MACF1: variants seen among roughly 807,000 people sequenced by gnomAD.
MACF1 encodes microtubule actin crosslinking factor 1.
A neutral mutation model predicts 854.8 loss-of-function variants in MACF1; 193 were observed. That is an observed-to-expected ratio of 0.23 (90% CI 0.20 to 0.25). The LOEUF (loss-of-function observed/expected upper bound fraction) is 0.25. Among genes scored for constraint, MACF1 ranks in the 10% least tolerant of loss-of-function variants. The pLI is 1.00. For synonymous variants in MACF1, 3,185 were observed against 3,226.7 expected, an observed-to-expected ratio of 0.99 and a Z score of 0.44; for missense variants, 7,722 against 8,929.1, an observed-to-expected ratio of 0.86 and a Z score of 5.45.
At position 39,316,449 on chromosome 1, in the gene MACF1, G is replaced by A; in HGVS notation, c.3508G>A (p.Gly1170Ser). The A allele has an allele frequency of 6.2e-7, 1 of 1,614,022 alleles. No individual in the cohort carries two copies. The highest frequency in any genetic ancestry group is 8.5e-7 in the Non-Finnish European group (1 of 1,179,922). Reference protein sequence around the residue: ...SIQDAELLVKGYEIKLSQEEV... With the variant: ...SIQDAELLVKSYEIKLSQEEV... ...ACAGGATGCTGAACTCTTGGTCAAA[G>A]GTTATGAGATTAAGCTGAGTCAAGA... The change falls in exon 28 of 101, where the codon GGT (glycine) becomes AGT (serine). Residue 1170 changes from glycine (G) to serine (S), a missense_variant. Transcript: ENST00000564288.
chr1:39,474,810 A>T (rs1644845329), intron 97 of MACF1, among the ~76,000 whole-genome samples: 1 of 152,226 alleles, frequency 6.6e-6, no homozygotes, highest in Non-Finnish European at 1.5e-5. Context: ...AAGGTTTTGA[A>T]AAAGGAAAAG....
intron 2 of MACF1, among the ~76,000 whole-genome samples, chr1:39,194,581 A>G (rs185767616): frequency 1.3e-5 from 2 of 151,338 alleles, no homozygotes; most frequent in East Asian, 2.0e-4. Flanking sequence ...ACCTTAGGTG[A>G]TCCACCCCGC....
chr1:39,099,145 C>G (rs962658166), intron 2 of MACF1, among the ~76,000 whole-genome samples: 2 of 152,200 alleles, frequency 1.3e-5, no homozygotes, highest in African/African-American at 4.8e-5. Flanking sequence ...CACACACACT[C>G]ACTACTAGCA....
At chr1:39,292,128 G>A (rs1403354881) in intron 16 of MACF1, 90 bp downstream of exon 16, 3 of 1,433,184 alleles carry the variant, frequency 2.1e-6, no homozygotes, top group East Asian at 2.4e-5. Context: ...ATTGAAGGAG[G>A]AGGGTGCTCT....
intron 2 of MACF1, among the ~76,000 whole-genome samples, chr1:39,233,539 A>G (rs1483771423): frequency 6.6e-6 from 1 of 152,040 alleles, no homozygotes; most frequent in Admixed American, 6.6e-5. Context: ...CTTTTCCTCC[A>G]TGGGCCAATT....
intron 6 of MACF1, among the ~76,000 whole-genome samples, chr1:39,276,978 G>GA (rs1431919717): frequency 2.6e-5 from 4 of 152,074 alleles, no homozygotes; most frequent in African/African-American, 4.8e-5. Flanking sequence ...AAAGAGGAAT[G>GA]AAAAATCTAA....
At position 39,334,504 on chromosome 1, in the gene MACF1, A is replaced by T. The variant is rs577414774; in HGVS notation, c.7916A>T (p.Asp2639Val). 11 of 1,614,170 alleles carry T rather than the reference A, an allele frequency of 6.8e-6. No individual in the cohort carries two copies. The African/African-American group carries it at 1.2e-4, about 18-fold the overall frequency. ...GAATTAGTCAAGAAATGTAAGATTG[A>T]TATTGAATCTGGACAGAGATATCTA... is the stretch of plus-strand genomic sequence containing the variant. Reference protein sequence around the residue: ...YSELVKKCKIDIESGQRYLEV... With the variant: ...YSELVKKCKIVIESGQRYLEV... Residue 2639 changes from aspartate (D) to valine (V), a missense_variant, in exon 37 of 101, where the codon GAT becomes GTT. Around this residue, in one of 15 missense-constraint regions of MACF1, gnomAD observed 1,531 missense variants for 1,601.6 expected, o/e 0.96. Coordinates refer to ENST00000564288, the MANE Select transcript of MACF1 (RefSeq NM_001394062.1).
intron 60 of MACF1, among the ~76,000 whole-genome samples, chr1:39,423,762 G>A (rs556897356): frequency 1.3e-5 from 2 of 151,406 alleles, no homozygotes; most frequent in South Asian, 2.1e-4. Flanking sequence ...CATTTTTTAC[G>A]GCACTTTTCT....
At chr1:39,386,397 A>G (rs1014341688) in intron 57 of MACF1, among the ~76,000 whole-genome samples, 1 of 151,588 alleles carries the variant, frequency 6.6e-6, no homozygotes, top group Admixed American at 6.6e-5. Context: ...AGTAGCTGGG[A>G]CTATAGACAC....
chr1:39,132,045 CCTT>C (rs1176289897), intron 2 of MACF1, among the ~76,000 whole-genome samples: 3 of 152,200 alleles, frequency 2.0e-5, no homozygotes, highest in Non-Finnish European at 2.9e-5. Flanking sequence ...GGCACTGTGA[CCTT>C]CTTTGTAGCA....
chr1:39,380,178 C>T (rs1463172904), intron 54 of MACF1, 66 bp from the exon 55 acceptor site: 1 of 1,540,566 alleles, frequency 6.5e-7, no homozygotes, highest in Non-Finnish European at 8.9e-7. Context: ...CCAATCATTT[C>T]TACCACACAC....
chr1:39,421,567 T>A (rs1643538311), intron 58 of MACF1, among the ~76,000 whole-genome samples: 1 of 152,196 alleles, frequency 6.6e-6, no homozygotes, highest in South Asian at 2.1e-4. Context: ...ACACTGTTAA[T>A]ATGTTTTGAC....
At chr1:39,106,889 T>C (rs1303239607) in intron 2 of MACF1, among the ~76,000 whole-genome samples, 2 of 145,002 alleles carry the variant, frequency 1.4e-5, no homozygotes, top group Non-Finnish European at 3.0e-5. Context: ...AAAAAAGACC[T>C]ACTAGGGTTT....
chr1:39,084,167 A>G lies in MACF1; in HGVS notation c.-52A>G, dbSNP rs1242746729. 1.3e-6 allele frequency: 2 copies of G among 1,536,344 alleles called. No homozygotes were observed. The highest frequency in any genetic ancestry group is 2.2e-5 in the South Asian group (2 of 89,404). The stretch of plus-strand genomic sequence containing the variant: ...TCACATTCACCCCTTTCTCCTTCAG[A>G]TCACTTCTCCCTGGGCTCCCAGGCC... On this transcript the variant is annotated splice_region_variant and 5_prime_UTR_variant, in exon 2 of 94. Transcript: ENST00000361689. The surrounding 1 kb of genome is among the most constrained non-coding windows in gnomAD (Gnocchi z 5.2).
intron 6 of MACF1, chr1:39,269,030 A>G: frequency 7.8e-7 from 1 of 1,289,078 alleles, no homozygotes; most frequent in Non-Finnish European, 1.0e-6. Flanking sequence ...TAAAGGAGAG[A>G]TTCCAAGGGG....
chr1:39,090,104 G>C (rs923337213), intron 2 of MACF1, among the ~76,000 whole-genome samples: 1 of 152,218 alleles, frequency 6.6e-6, no homozygotes, highest in Admixed American at 6.5e-5. Context: ...TTCTGGCCAA[G>C]CCGTGAGTGG....
rs112059370 is a variant in MACF1, at chr1:39,411,783, A to T, written c.15817-10591A>T. ...CCCAGGATGCAGAAAATTTACTCGT[A>T]ATTAGTCATTTTTCAGGGGCTGCCT... is the stretch of plus-strand genomic sequence containing the variant. On this transcript the variant is annotated intron_variant, in intron 58 of 100. Coordinates refer to ENST00000564288, the MANE Select transcript of MACF1 (RefSeq NM_001394062.1). 9.8e-4 allele frequency: 1,583 copies of T among 1,613,780 alleles called. 17 individuals are homozygous for T. The African/African-American group carries it at 0.018, about 18-fold the overall frequency.
chr1:39,391,110 C>CA (rs140753607), intron 58 of MACF1, among the ~76,000 whole-genome samples: 9,958 of 120,264 alleles, frequency 0.083, 841 homozygotes, highest in African/African-American at 0.24. Context: ...GACTCCTTCT[C>CA]AAAAAAAAAA....
At chr1:39,257,112 C>A (rs1645105711) in intron 5 of MACF1, among the ~76,000 whole-genome samples, 1 of 152,184 alleles carries the variant, frequency 6.6e-6, no homozygotes, top group South Asian at 2.1e-4. Flanking sequence ...CACACAAAAA[C>A]CTGCACATGA....
Sources: gnomAD v4.1 joint callset for allele counts (sites outside exome capture counted in the v4.1 genomes callset) on GRCh38, gnomAD v4.1.1 for gene constraint, gnomAD v4.1.1 regional missense constraint, Gnocchi (gnomAD v3.1) non-coding constraint, MANE v1.5 for transcripts, NCBI Gene and HGNC (gene_info 2026-07-23, HGNC 2026-07-21) for gene names.